AGFG2: variants seen among roughly 807,000 people sequenced by gnomAD.
The protein encoded by AGFG2 is ArfGAP with FG repeats 2, also known as arf-GAP domain and FG repeat-containing protein 2.
AGFG2 carries 31 observed loss-of-function variants against 48.0 expected under a neutral mutation model. The observed-to-expected ratio is 0.65, with a 90% CI of 0.49 to 0.87. The LOEUF (loss-of-function observed/expected upper bound fraction) is 0.87, where lower values mean the gene tolerates loss of function less well. Among genes scored for constraint, AGFG2 ranks in the 40% least tolerant of loss-of-function variants. The probability of loss-of-function intolerance (pLI) is 0.00; values close to 1 mark genes in which losing one functional copy is unlikely to be tolerated. For missense variants in AGFG2, 599 were observed against 632.6 expected (o/e 0.95, Z 0.57); for synonymous variants, 229 against 260.8 (o/e 0.88, Z 1.18).
At chr7:100,545,618 A>G (rs1432969385) in intron 1 of AGFG2, among the ~76,000 whole-genome samples, 2 of 152,132 alleles carry the variant, frequency 1.3e-5, no homozygotes, top group Non-Finnish European at 2.9e-5. Context: ...AAATAAATTG[A>G]TCTCTGTTCC....
chr7:100,550,936 C>T (rs1800618571), intron 3 of AGFG2, among the ~76,000 whole-genome samples: 1 of 145,276 alleles, frequency 6.9e-6, no homozygotes, highest in African/African-American at 2.6e-5. Context: ...TCACAGCTTA[C>T]TGCAGTCTCA....
rs371814628 is a variant in AGFG2, at chr7:100,540,240, C to T, written c.221+673C>T. On this transcript the variant is annotated intron_variant, in intron 1 of 11. Coordinates refer to ENST00000300176, the MANE Select transcript of AGFG2 (RefSeq NM_006076.5). ...CTTAGCAGGGCTTTGAAATGTTACC[C>T]AGAAGGTAAAACTCTTACGAAATCT... 1.4e-4 allele frequency among the ~76,000 whole-genome samples: 21 copies of T among 152,146 alleles called. No homozygotes were observed. The East Asian group carries it at 3.3e-3, about 24-fold the overall frequency.
rs1455402879 is a variant in AGFG2 at position 100,548,847 on chromosome 7, G to A, written c.247G>A (p.Val83Ile). ...GAGAGGGCTGAACCCCCCTCATCGTGTCAAGTCAATCTCCATGACAACTTT... is the reference window on the plus strand; with the variant it reads ...GAGAGGGCTGAACCCCCCTCATCGTATCAAGTCAATCTCCATGACAACTTT... ...LLRGLNPPHRVKSISMTTFTE... is the reference protein window; with the variant it reads ...LLRGLNPPHRIKSISMTTFTE... The change falls in exon 2 of 12, where the codon GTC becomes ATC. Residue 83 changes from valine to isoleucine, a missense_variant. Physicochemically the swap from Val to Ile is conservative, Grantham distance 29 (BLOSUM62 3). Transcript: ENST00000300176. The A allele has an allele frequency of 4.3e-6, 7 of 1,613,430 alleles. No homozygotes were observed. In the East Asian group the frequency reaches 1.1e-4, roughly 26 times the overall value.
chr7:100,554,167 A>AGCCAGTACT lies in AGFG2; in HGVS notation c.662_670dup (p.Ala221_Thr223dup), dbSNP rs763384626. The stretch of plus-strand genomic sequence containing the variant: ...CACCTCCCCACTCCTCTGTCAAAAA[A>AGCCAGTACT]GCCAGTACTGACCTGCTGGCTGACA... On this transcript the variant is annotated inframe_insertion, in exon 5 of 12. Transcript: ENST00000300176. 6.2e-6 allele frequency: 10 copies of AGCCAGTACT among 1,614,098 alleles called. No homozygotes were observed. The East Asian group carries it at 2.2e-4, about 36-fold the overall frequency.
rs1022441042 is a variant in AGFG2, at chr7:100,560,108, T to C, written c.878-2151T>C. Among the ~76,000 whole-genome samples, 9 of 151,706 alleles carry C rather than the reference T, an allele frequency of 5.9e-5. 1 individual carries two copies. The South Asian group carries it at 8.3e-4, about 14-fold the overall frequency. ...GTGCTTGCGTGGAAATTCCACATACTGTACTTGGAGGCAGGCAGGCAGGGA... is the reference window on the plus strand; with the variant it reads ...GTGCTTGCGTGGAAATTCCACATACCGTACTTGGAGGCAGGCAGGCAGGGA... On this transcript the variant is annotated intron_variant, in intron 6 of 11. Coordinates refer to ENST00000300176, the MANE Select transcript of AGFG2 (RefSeq NM_006076.5).
rs558518479 is a variant in AGFG2 at position 100,565,551 on chromosome 7, C to T, written c.*560C>T. On this transcript the variant is annotated 3_prime_UTR_variant, in exon 12 of 12. Transcript: ENST00000300176. ...CCAGGATGAGCGGTTTACCATCGAGCTTACCCGGGCCCGGCTCCTGTCAAG... is the reference window on the plus strand; with the variant it reads ...CCAGGATGAGCGGTTTACCATCGAGTTTACCCGGGCCCGGCTCCTGTCAAG... 1 of 153,926 alleles carries T rather than the reference C, an allele frequency of 6.5e-6. No homozygotes were observed. The highest frequency in any genetic ancestry group is 2.0e-4 in the South Asian group (1 of 4,910). The allele number at this position is 153,926 out of a possible 1,614,324, so 9.5% of individuals were successfully genotyped here. A position where few individuals can be genotyped will look rare whatever the true frequency, so the allele number is the denominator to read the frequency against.
At chr7:100,553,179 G>A (rs1419889604) in intron 3 of AGFG2, among the ~76,000 whole-genome samples, 168 bp from the exon 4 acceptor site, 4 of 152,174 alleles carry the variant, frequency 2.6e-5, no homozygotes, top group Non-Finnish European at 4.4e-5. Context: ...TCAAGGGGAT[G>A]CTCAAGATAG....
At chr7:100,556,992 G>C (rs542412224) in intron 6 of AGFG2, among the ~76,000 whole-genome samples, 1 of 152,326 alleles carries the variant, frequency 6.6e-6, no homozygotes, top group African/African-American at 2.4e-5. Flanking sequence ...GAGGTCAGGA[G>C]TTTGACATAA....
At chr7:100,563,359 C>A (rs1415110750) in intron 9 of AGFG2, among the ~76,000 whole-genome samples, 1 of 152,220 alleles carries the variant, frequency 6.6e-6, no homozygotes, top group Non-Finnish European at 1.5e-5. Context: ...TCCCCAGCCT[C>A]TGCTGCTCTC....
In AGFG2 at chr7:100,562,962, G is replaced by T. The variant is rs769599892; in HGVS notation, c.1171+16G>T. 1.2e-6 allele frequency: 2 copies of T among 1,609,258 alleles called. No homozygotes were observed. The highest frequency in any genetic ancestry group is 1.7e-6 in the Non-Finnish European group (2 of 1,176,418). ...TTGGCGCCAGGTAAGCCTCCAGCATGGTCCCTTGTCCTGACCATCTGAGAC... is the reference window on the plus strand; with the variant it reads ...TTGGCGCCAGGTAAGCCTCCAGCATTGTCCCTTGTCCTGACCATCTGAGAC... On this transcript the variant is annotated intron_variant, in intron 9 of 11. Coordinates refer to ENST00000300176, the MANE Select transcript of AGFG2 (RefSeq NM_006076.5). This position sits in a 1 kb window ranked among gnomAD's most constrained non-coding sequence, Gnocchi z 5.4.
rs562091889 is a variant in AGFG2, at chr7:100,552,073, C to A, written c.432-1274C>A. On this transcript the variant is annotated intron_variant, in intron 3 of 11. Coordinates refer to ENST00000300176, the MANE Select transcript of AGFG2 (RefSeq NM_006076.5). Reference sequence around the variant, plus strand: ...TAGCCTGGCCAAGATGGTGAAACCCCGTCTCTACTAAAAATACAAAAAATT... The same window carrying A: ...TAGCCTGGCCAAGATGGTGAAACCCAGTCTCTACTAAAAATACAAAAAATT... Among the ~76,000 whole-genome samples the A allele has an allele frequency of 1.2e-3, 188 of 151,600 alleles. 1 individual carries two copies. Among genetic ancestry groups the A allele is most frequent in the African/African-American group, 4.4e-3 (180 of 41,344 alleles).
chr7:100,542,829 T>G (rs1367362776), intron 1 of AGFG2, among the ~76,000 whole-genome samples: 1 of 152,192 alleles, frequency 6.6e-6, no homozygotes, highest in African/African-American at 2.4e-5. Flanking sequence ...CCTGCATGTT[T>G]ATTCATTCGG....
intron 1 of AGFG2, 58 bp downstream of exon 1, chr7:100,539,625 G>A (rs1800384066): frequency 8.3e-7 from 1 of 1,199,682 alleles, no homozygotes; most frequent in Non-Finnish European, 1.0e-6. Context: ...GGGCGGGGTG[G>A]GGAGGCCGGG....
intron 1 of AGFG2, among the ~76,000 whole-genome samples, chr7:100,540,613 T>C (rs757693421): frequency 3.9e-5 from 6 of 152,238 alleles, no homozygotes; most frequent in African/African-American, 7.2e-5. Flanking sequence ...GATTAACATC[T>C]GATATCAGGC....
intron 11 of AGFG2, 88 bp downstream of exon 11, chr7:100,564,391 C>A: frequency 7.4e-7 from 1 of 1,354,630 alleles, no homozygotes; most frequent in South Asian, 1.3e-5. Flanking sequence ...GTGAGGTGGC[C>A]CCTGTGCCCC....
intron 1 of AGFG2, among the ~76,000 whole-genome samples, chr7:100,544,087 G>A (rs746845203): frequency 2.6e-5 from 4 of 152,162 alleles, no homozygotes; most frequent in Non-Finnish European, 4.4e-5. Context: ...GCCTGAATGC[G>A]TCTGTGAATG....
chr7:100,542,004 T>C (rs1292506178), intron 1 of AGFG2, among the ~76,000 whole-genome samples: 4 of 152,110 alleles, frequency 2.6e-5, no homozygotes, highest in Non-Finnish European at 5.9e-5. Context: ...CTGGGACACG[T>C]TAAAAACCTG....
Position 100,562,228 on chromosome 7 carries a change from T to C in AGFG2, c.878-31T>C, listed in dbSNP as rs1437940313. The C allele has an allele frequency of 6.2e-7, 1 of 1,607,112 alleles. No individual in the cohort carries two copies. Among genetic ancestry groups the C allele is most frequent in the South Asian group, 1.1e-5 (1 of 90,760 alleles). ...CCCTCCCGCCCTGTCTTACCTCAGCTCTCCCTGTTGTATTTTCCACAACTG... is the reference window on the plus strand; with the variant it reads ...CCCTCCCGCCCTGTCTTACCTCAGCCCTCCCTGTTGTATTTTCCACAACTG... On this transcript the variant is annotated intron_variant, in intron 6 of 11. Coordinates refer to ENST00000300176, the MANE Select transcript of AGFG2 (RefSeq NM_006076.5). This position sits in a 1 kb window ranked among gnomAD's most constrained non-coding sequence, Gnocchi z 5.4.
At chr7:100,542,178 G>C (rs911340822) in intron 1 of AGFG2, among the ~76,000 whole-genome samples, 4 of 152,074 alleles carry the variant, frequency 2.6e-5, no homozygotes, top group African/African-American at 9.7e-5. Flanking sequence ...ACCACATCTG[G>C]CTAATGTTTG....
Sources: gnomAD v4.1 joint callset for allele counts (sites outside exome capture counted in the v4.1 genomes callset) on GRCh38, gnomAD v4.1.1 for gene constraint, Gnocchi (gnomAD v3.1) non-coding constraint, MANE v1.5 for transcripts, NCBI Gene and HGNC (gene_info 2026-07-23, HGNC 2026-07-21) for gene names.